The following TJP1 variants were observed in gnomAD, a reference collection of about 807,000 sequenced individuals.
TJP1 encodes the protein tight junction protein ZO-1.
TJP1 carries 43 observed loss-of-function variants against 194.2 expected under a neutral mutation model. The ratio of observed to expected loss-of-function variants is 0.22; its 90% confidence interval spans 0.17 to 0.29. The LOEUF (loss-of-function observed/expected upper bound fraction) is 0.29. Among genes scored for constraint, TJP1 ranks in the 10% least tolerant of loss-of-function variants. The probability of loss-of-function intolerance (pLI) is 1.00; values close to 1 mark genes in which losing one functional copy is unlikely to be tolerated. For missense variants in TJP1, 1,971 were observed against 2,185.7 expected (o/e 0.90, Z 1.96); for synonymous variants, 801 against 779.0 (o/e 1.03, Z -0.47).
chr15:29,831,141 T>A (rs1481921144), intron 2 of TJP1, among the ~76,000 whole-genome samples: 1 of 152,202 alleles, frequency 6.6e-6, no homozygotes, highest in Non-Finnish European at 1.5e-5. Flanking sequence ...CTGTAAGCTG[T>A]CAATTAAAAG....
In TJP1 at chr15:29,721,407, T is replaced by C. The variant is rs541329963; in HGVS notation, c.2413-699A>G. Reference sequence around the variant, plus strand: ...CTCTCTTCCTCCTGCTCCAGCCATATAAGACATGCTTCCTTCCCCTTCCGC... The same window carrying C: ...CTCTCTTCCTCCTGCTCCAGCCATACAAGACATGCTTCCTTCCCCTTCCGC... On this transcript the variant is annotated intron_variant, in intron 18 of 27. Transcript: ENST00000614355. 2.6e-5 allele frequency among the ~76,000 whole-genome samples: 4 copies of C among 152,264 alleles called. No homozygotes were observed. In the East Asian group the frequency reaches 7.7e-4, roughly 29 times the overall value.
intron 2 of TJP1, among the ~76,000 whole-genome samples, chr15:29,783,766 C>T (rs188142801): frequency 1.1e-4 from 17 of 152,258 alleles, no homozygotes; most frequent in Admixed American, 6.5e-5. Context: ...TATGAGAACA[C>T]ATGGACACAG....
intron 2 of TJP1, among the ~76,000 whole-genome samples, chr15:29,918,873 G>A (rs1360474888): frequency 6.6e-6 from 1 of 152,292 alleles, no homozygotes. Flanking sequence ...TGGTCCAACA[G>A]CAAATTTATA....
At chr15:29,797,124 T>C (rs1483558449) in intron 2 of TJP1, among the ~76,000 whole-genome samples, 1 of 152,124 alleles carries the variant, frequency 6.6e-6, no homozygotes, top group Non-Finnish European at 1.5e-5. Flanking sequence ...AGGCAAAAAT[T>C]AACAAACTGG....
chr15:29,740,132 C>T (rs983823190), intron 10 of TJP1, among the ~76,000 whole-genome samples: 2 of 151,880 alleles, frequency 1.3e-5, no homozygotes, highest in East Asian at 1.9e-4. Flanking sequence ...GGACTATAGG[C>T]GCCCAGCTAA....
At chr15:29,795,810 C>A (rs771078902) in intron 2 of TJP1, among the ~76,000 whole-genome samples, 1 of 152,030 alleles carries the variant, frequency 6.6e-6, no homozygotes, top group Non-Finnish European at 1.5e-5. Flanking sequence ...AACATGTAAA[C>A]AATCAAGTAG....
At chr15:29,808,079 C>T (rs1026329140) in intron 1 of TJP1, among the ~76,000 whole-genome samples, 5 of 152,026 alleles carry the variant, frequency 3.3e-5, no homozygotes, top group African/African-American at 1.2e-4. Context: ...ATCAGCCTGG[C>T]CAACCTGGTG....
At chr15:29,906,670 C>T (rs1199305833) in intron 2 of TJP1, among the ~76,000 whole-genome samples, 1 of 151,780 alleles carries the variant, frequency 6.6e-6, no homozygotes, top group African/African-American at 2.4e-5. Context: ...ACCTCCGCCT[C>T]CTGGGTTCAA....
intron 5 of TJP1, among the ~76,000 whole-genome samples, chr15:29,765,992 G>A (rs941151201): frequency 3.3e-5 from 5 of 152,208 alleles, no homozygotes; most frequent in African/African-American, 1.2e-4. Context: ...TGGTGATGGT[G>A]TGACATTTCT....
Position 29,850,926 on chromosome 15 carries a change from C to T in TJP1, c.307-50224G>A, listed in dbSNP as rs575662440. ...GCCGAGGTAGGTGAATCACTTGAGG[C>T]CAGTAGTTTGAGATCAGCCTGGCCA... On this transcript the variant is annotated intron_variant, in intron 2 of 28. Transcript: ENST00000356107. Among the ~76,000 whole-genome samples, 212 of 152,136 alleles carry T rather than the reference C, an allele frequency of 1.4e-3. 1 individual carries two copies. Among genetic ancestry groups the T allele is most frequent in the African/African-American group, 4.8e-3 (201 of 41,540 alleles).
At chr15:29,748,177 T>G (rs1270420865) in intron 8 of TJP1, among the ~76,000 whole-genome samples, 2 of 152,198 alleles carry the variant, frequency 1.3e-5, no homozygotes, top group African/African-American at 2.4e-5. Flanking sequence ...ATTTATAAAT[T>G]TTATTACTCA....
In TJP1 at chr15:29,772,173, G is replaced by T. The variant is rs1234347108; in HGVS notation, c.210-7C>A. ...TGCAACTCGGTCATTTTCCCTAAGG[G>T]GAAAAGGGCACAAAATAATATGTTA... On this transcript the variant is annotated splice_polypyrimidine_tract_variant and splice_region_variant and intron_variant, in intron 3 of 27. Transcript: ENST00000614355. 1 of 1,550,810 alleles carries T rather than the reference G, an allele frequency of 6.4e-7. No individual in the cohort carries two copies. Among genetic ancestry groups the T allele is most frequent in the Non-Finnish European group, 8.8e-7 (1 of 1,135,316 alleles).
intron 2 of TJP1, among the ~76,000 whole-genome samples, chr15:29,861,840 A>G (rs1178989908): frequency 6.6e-6 from 1 of 152,192 alleles, no homozygotes. Context: ...AGTTTTAAAT[A>G]TTGATGAAGC....
At chr15:29,893,685 G>A (rs1267098462) in intron 2 of TJP1, among the ~76,000 whole-genome samples, 1 of 149,732 alleles carries the variant, frequency 6.7e-6, no homozygotes, top group Non-Finnish European at 1.5e-5. Flanking sequence ...TTAAAATTAA[G>A]GTATATATAT....
intron 8 of TJP1, among the ~76,000 whole-genome samples, chr15:29,746,618 T>C (rs1390506221): frequency 6.6e-6 from 1 of 152,050 alleles, no homozygotes; most frequent in African/African-American, 2.4e-5. Flanking sequence ...CAGTTATCTC[T>C]ACTATTTCAA....
intron 2 of TJP1, among the ~76,000 whole-genome samples, chr15:29,794,245 AGT>A (rs1434177233): frequency 6.6e-6 from 1 of 152,170 alleles, no homozygotes; most frequent in African/African-American, 2.4e-5. Flanking sequence ...ATTTTGTCAT[AGT>A]CTCTCTGTGA....
intron 2 of TJP1, among the ~76,000 whole-genome samples, chr15:29,949,211 A>T (rs1178901252): frequency 7.0e-5 from 8 of 113,482 alleles, no homozygotes; most frequent in Non-Finnish European, 3.4e-5. Context: ...CTCCACCACC[A>T]CCACCTCCAC....
chr15:29,778,824 A>G (rs544048757), intron 2 of TJP1, among the ~76,000 whole-genome samples: 1 of 152,160 alleles, frequency 6.6e-6, no homozygotes, highest in East Asian at 1.9e-4. Flanking sequence ...CATTCATAAA[A>G]CTACCCTTGG....
At chr15:29,758,597 A>G (rs1033660269) in intron 8 of TJP1, among the ~76,000 whole-genome samples, 7 of 152,210 alleles carry the variant, frequency 4.6e-5, no homozygotes, top group African/African-American at 1.7e-4. Context: ...GCGTTATTTA[A>G]AAGGGGAAAT....
Sources: gnomAD v4.1 joint callset for allele counts (sites outside exome capture counted in the v4.1 genomes callset) on GRCh38, gnomAD v4.1.1 for gene constraint, MANE v1.5 for transcripts, NCBI Gene and HGNC (gene_info 2026-07-23, HGNC 2026-07-21) for gene names.